The following ADGRE1 variants were observed in gnomAD, a reference collection of about 807,000 sequenced individuals.
The protein encoded by ADGRE1 is EGF-like module receptor 1.
Under a neutral mutation model 102.7 loss-of-function variants are expected in ADGRE1, and 82 were observed. That is an observed-to-expected ratio of 0.80 (90% CI 0.67 to 0.96). The LOEUF is 0.96. Ranked by LOEUF, ADGRE1 falls within the 40% of genes least tolerant of loss-of-function variation. The pLI, the probability that ADGRE1 is intolerant of heterozygous loss-of-function variation, is 0.00. For missense variants in ADGRE1, 1,032 were observed against 1,085.3 expected (o/e 0.95, Z 0.69); for synonymous variants, 398 against 399.6 (o/e 1.00, Z 0.05).
intron 6 of ADGRE1, 81 bp downstream of exon 6, chr19:6,902,102 T>A: frequency 6.5e-7 from 1 of 1,540,914 alleles, no homozygotes; most frequent in South Asian, 1.2e-5. Flanking sequence ...TGGGTCTTGG[T>A]TGAGTTTGAG....
intron 18 of ADGRE1, among the ~76,000 whole-genome samples, chr19:6,936,074 C>T (rs1385460245): frequency 6.6e-6 from 1 of 152,176 alleles, no homozygotes; most frequent in Non-Finnish European, 1.5e-5. Context: ...TAATAACATT[C>T]TTTGCTTCTT....
intron 8 of ADGRE1, 121 bp downstream of exon 8, chr19:6,904,303 C>T: frequency 2.4e-6 from 3 of 1,263,394 alleles, no homozygotes; most frequent in Non-Finnish European, 3.2e-6. Flanking sequence ...TATTCTGTTT[C>T]TTTTTCTTCT....
chr19:6,896,811 T>C, intron 3 of ADGRE1: 1 of 500,674 alleles, frequency 2.0e-6, no homozygotes, highest in South Asian at 2.9e-5. Context: ...TCCCCACCCT[T>C]CCTCTCTTTG....
chr19:6,928,102 G>C, intron 16 of ADGRE1, 43 bp from the exon 17 acceptor site: 1 of 1,596,872 alleles, frequency 6.3e-7, no homozygotes, highest in Non-Finnish European at 8.5e-7. Flanking sequence ...TGTAAGGTCA[G>C]GACTCTGAGA....
intron 10 of ADGRE1, among the ~76,000 whole-genome samples, chr19:6,909,008 C>A (rs1338487939): frequency 5.3e-5 from 8 of 151,798 alleles, no homozygotes; most frequent in Non-Finnish European, 1.5e-5. Flanking sequence ...GTGGCAGGTG[C>A]CCATAGTACC....
At chr19:6,896,654 T>C in intron 3 of ADGRE1, 113 bp downstream of exon 3, 1 of 1,255,628 alleles carries the variant, frequency 8.0e-7, no homozygotes, top group Non-Finnish European at 1.1e-6. Context: ...TAAATCTGGT[T>C]TAACTATATA....
Position 6,924,881 on chromosome 19 carries a change from C to G in ADGRE1, c.1986+9C>G. ...ACAAGACTGACAACAAGGTCTACATCGCTCGGGCTGTGTCCCCACCAAGCC... is the reference window on the plus strand; with the variant it reads ...ACAAGACTGACAACAAGGTCTACATGGCTCGGGCTGTGTCCCCACCAAGCC... On this transcript the variant is annotated intron_variant, in intron 15 of 20. Coordinates refer to ENST00000312053, the MANE Select transcript of ADGRE1 (RefSeq NM_001974.5). 3 of 1,613,386 alleles carry G rather than the reference C, an allele frequency of 1.9e-6. No homozygotes were observed. Among genetic ancestry groups the G allele is most frequent in the Non-Finnish European group, 2.5e-6 (3 of 1,179,598 alleles).
chr19:6,931,787 G>A, intron 17 of ADGRE1, among the ~76,000 whole-genome samples: 1 of 141,718 alleles, frequency 7.1e-6, no homozygotes. Context: ...GACAGAGGGA[G>A]ACTGTCTCAA....
chr19:6,889,245 TG>T (rs1286971871), intron 1 of ADGRE1, among the ~76,000 whole-genome samples: 3 of 151,530 alleles, frequency 2.0e-5, no homozygotes, highest in African/African-American at 7.3e-5. Flanking sequence ...ATAATGGTGA[TG>T]GTGATGATGA....
chr19:6,904,471 A>C lies in ADGRE1; in HGVS notation c.949+289A>C, dbSNP rs926417977. Among the ~76,000 whole-genome samples, 3 of 151,900 alleles carry C rather than the reference A, an allele frequency of 2.0e-5. No homozygotes were observed. In the East Asian group the frequency reaches 5.8e-4, roughly 29 times the overall value. ...TAGTCTAGGGAAGGAGCCAGAACAC[A>C]CACACACCCAATTATTTAATTATAA... On this transcript the variant is annotated intron_variant, in intron 8 of 20. Transcript: ENST00000312053.
intron 1 of ADGRE1, among the ~76,000 whole-genome samples, chr19:6,889,380 G>T (rs895339856): frequency 1.3e-5 from 2 of 151,994 alleles, no homozygotes; most frequent in Admixed American, 1.3e-4. Context: ...ATGCTGCAGG[G>T]CTGCATTGCC....
At chr19:6,909,883 C>A (rs917633089) in intron 10 of ADGRE1, among the ~76,000 whole-genome samples, 3 of 152,014 alleles carry the variant, frequency 2.0e-5, no homozygotes, top group Non-Finnish European at 4.4e-5. Flanking sequence ...TACAGGCATG[C>A]GCCACCATGC....
At chr19:6,937,103 G>T in intron 18 of ADGRE1, 140 bp from the exon 19 acceptor site, 1 of 887,838 alleles carries the variant, frequency 1.1e-6, no homozygotes, top group Non-Finnish European at 1.7e-6. Context: ...CAACACCTAG[G>T]CTTGGAGACC....
At chr19:6,915,287 C>T (rs1974333372) in intron 11 of ADGRE1, among the ~76,000 whole-genome samples, 1 of 152,094 alleles carries the variant, frequency 6.6e-6, no homozygotes. Context: ...GATTACAGGC[C>T]TGAACCACTG....
At chr19:6,918,210 C>G (rs11879361) in intron 12 of ADGRE1, among the ~76,000 whole-genome samples, 1 of 152,064 alleles carries the variant, frequency 6.6e-6, no homozygotes, top group Non-Finnish European at 1.5e-5. Flanking sequence ...GAGGCCAAGG[C>G]GGGCAGATCA....
chr19:6,913,616 A>T (rs1288541807), intron 10 of ADGRE1, 37 bp from the exon 11 acceptor site: 2 of 1,520,462 alleles, frequency 1.3e-6, no homozygotes, highest in Non-Finnish European at 1.8e-6. Context: ...TTAATGAGAG[A>T]GAGAGAGAGA....
At chr19:6,913,921 A>T (rs1042522659) in intron 11 of ADGRE1, 91 bp downstream of exon 11, 1 of 1,348,404 alleles carries the variant, frequency 7.4e-7, no homozygotes, top group African/African-American at 1.5e-5. Context: ...TTTCCCACCC[A>T]TTCTTTCCCC....
chr19:6,929,076 C>T (rs996112461), intron 17 of ADGRE1, among the ~76,000 whole-genome samples: 2 of 152,144 alleles, frequency 1.3e-5, no homozygotes, highest in African/African-American at 4.8e-5. Flanking sequence ...ATAATTGTAT[C>T]CGTCTTGTGC....
chr19:6,926,569 T>C lies in ADGRE1; in HGVS notation c.2190T>C (p.Ser730=). Residue 730 remains serine, a synonymous_variant, in exon 16 of 21, where the codon AGT becomes AGC. Transcript: ENST00000312053. ...LPMLVVVISA[S]VQPQGYGMHN... is the part of the protein sequence containing the mutation. Reference sequence around the variant, plus strand: ...TGCTGGTGGTGGTGATCTCTGCCAGTGTGCAGCCACAGGGCTATGGAATGC... The same window carrying C: ...TGCTGGTGGTGGTGATCTCTGCCAGCGTGCAGCCACAGGGCTATGGAATGC... The C allele has an allele frequency of 6.2e-7, 1 of 1,614,218 alleles. No individual in the cohort carries two copies. Among genetic ancestry groups the C allele is most frequent in the Non-Finnish European group, 8.5e-7 (1 of 1,180,038 alleles).
Sources: allele counts gnomAD v4.1 joint callset (sites outside exome capture counted in the v4.1 genomes callset), GRCh38; gene constraint gnomAD v4.1.1; transcripts MANE v1.5; gene names NCBI Gene and HGNC (gene_info 2026-07-23, HGNC 2026-07-21).